Variants in HAUS6 observed in about 807,000 individuals in gnomAD.
The protein encoded by HAUS6 is HAUS augmin like complex subunit 6, also known as HAUS augmin-like complex subunit 6.
Under a neutral mutation model 106.8 loss-of-function variants are expected in HAUS6, and 80 were observed. That is an observed-to-expected ratio of 0.75 (90% CI 0.63 to 0.90). The LOEUF (loss-of-function observed/expected upper bound fraction) is 0.90, where lower values mean the gene tolerates loss of function less well. Ranked by LOEUF, HAUS6 falls within the 40% of genes least tolerant of loss-of-function variation. HAUS6 has a pLI of 0.00. For missense variants in HAUS6, 1,155 were observed against 1,118.1 expected (o/e 1.03, Z -0.47); for synonymous variants, 356 against 379.1 (o/e 0.94, Z 0.71).
chr9:19,097,280 C>T (rs976398084), intron 1 of HAUS6, among the ~76,000 whole-genome samples: 42 of 152,124 alleles, frequency 2.8e-4, no homozygotes, highest in African/African-American at 8.5e-4. Flanking sequence ...AGCTTCTGCA[C>T]AGCAAAAGAA....
rs1332078509 is a variant in HAUS6 at position 19,058,023 on chromosome 9, G to A, written c.2744C>T (p.Pro915Leu). 6.2e-7 allele frequency: 1 copy of A among 1,611,782 alleles called. No homozygotes were observed. Among genetic ancestry groups the A allele is most frequent in the Non-Finnish European group, 8.5e-7 (1 of 1,177,892 alleles). Residue 915 changes from proline to leucine, a missense_variant, in exon 16 of 17, where the codon CCA (proline) becomes CTA (leucine). By Grantham distance (98) the Pro-to-Leu change is moderately conservative. This residue lies in a region of HAUS6 where 380 missense variants were observed against 394.8 expected (regional missense o/e 0.96). Transcript: ENST00000380502. ...RSLSPLIKFS[P>L]VEQRLRTTIA... ...TGTGGTTCTCAATCTTTGTTCCACTGGAGAAAACTTAATTAGTGGTGAAAG... is the reference window on the plus strand; with the variant it reads ...TGTGGTTCTCAATCTTTGTTCCACTAGAGAAAACTTAATTAGTGGTGAAAG...
chr9:19,099,111 T>C (rs1490347118), intron 1 of HAUS6, among the ~76,000 whole-genome samples: 2 of 149,908 alleles, frequency 1.3e-5, no homozygotes, highest in African/African-American at 4.9e-5. Context: ...AAAGAGAACG[T>C]ATACGTATAA....
At chr9:19,093,898 G>A (rs2131152686) in intron 3 of HAUS6, among the ~76,000 whole-genome samples, 1 of 152,126 alleles carries the variant, frequency 6.6e-6, no homozygotes, top group South Asian at 2.1e-4. Flanking sequence ...ATAAAATAAA[G>A]AATTTGATCA....
intron 2 of HAUS6, among the ~76,000 whole-genome samples, chr9:19,095,857 A>G (rs1225492128): frequency 6.6e-6 from 1 of 152,188 alleles, no homozygotes; most frequent in Non-Finnish European, 1.5e-5. Context: ...TCAATAGCAT[A>G]TAACAGTAGA....
intron 9 of HAUS6, 89 bp from the exon 10 acceptor site, chr9:19,078,391 G>C (rs767872545): frequency 1.1e-5 from 8 of 742,978 alleles, no homozygotes; most frequent in Non-Finnish European, 1.1e-5. Context: ...TTGTAGAGAA[G>C]TGGAAGGAAA....
intron 3 of HAUS6, among the ~76,000 whole-genome samples, chr9:19,093,686 T>C (rs947787860): frequency 7.2e-5 from 11 of 152,116 alleles, no homozygotes; most frequent in African/African-American, 2.7e-4. Context: ...CTGGCCAACA[T>C]GGTGAAACCC....
chr9:19,084,634 TC>T (rs1268548247), intron 7 of HAUS6, among the ~76,000 whole-genome samples: 4 of 144,654 alleles, frequency 2.8e-5, no homozygotes, highest in South Asian at 2.2e-4. Flanking sequence ...TTTTCTTTTT[TC>T]TTTTTTTTTT....
chr9:19,058,722 T>C lies in HAUS6; in HGVS notation c.2045A>G (p.Asn682Ser), dbSNP rs1342248033. The C allele has an allele frequency of 3.7e-6, 6 of 1,614,100 alleles. No homozygotes were observed. Among genetic ancestry groups the C allele is most frequent in the Non-Finnish European group, 3.4e-6 (4 of 1,179,960 alleles). ...TTTCTTATTTAACAAATCTGACTGA[T>C]TTTGTGTTGGTGGTTCATCTATGTG... ...TSHIDEPPTQ[N>S]QSDLLNKKVI... The change falls in exon 16 of 17, where the codon AAT becomes AGT. Residue 682 changes from asparagine (N) to serine (S), a missense_variant. By Grantham distance (46) the Asn-to-Ser change is conservative (BLOSUM62 1). Transcript: ENST00000380502.
chr9:19,101,571 A>T (rs1256658751), intron 1 of HAUS6, among the ~76,000 whole-genome samples: 1 of 152,080 alleles, frequency 6.6e-6, no homozygotes, highest in East Asian at 1.9e-4. Flanking sequence ...GAGCCCAGGA[A>T]TTTTGAGACC....
chr9:19,070,124 G>A, intron 12 of HAUS6, 95 bp downstream of exon 12: 2 of 719,170 alleles, frequency 2.8e-6, no homozygotes, highest in Admixed American at 5.2e-5. Context: ...AACAGACCCA[G>A]AAGTCCAGCT....
intron 12 of HAUS6, among the ~76,000 whole-genome samples, chr9:19,067,084 G>A (rs1159582527): frequency 3.3e-5 from 5 of 151,624 alleles, no homozygotes; most frequent in African/African-American, 1.2e-4. Flanking sequence ...AACTGCATGT[G>A]ATAGGGCTGA....
chr9:19,063,983 T>TTTC (rs1476935669), intron 12 of HAUS6, among the ~76,000 whole-genome samples: 2 of 151,918 alleles, frequency 1.3e-5, no homozygotes, highest in Non-Finnish European at 2.9e-5. Context: ...TTTTTTTTTT[T>TTTC]TGAGACGGAG....
intron 8 of HAUS6, among the ~76,000 whole-genome samples, chr9:19,081,894 G>A (rs10963946): frequency 9.4e-4 from 142 of 151,676 alleles, no homozygotes; most frequent in Non-Finnish European, 1.7e-3. Flanking sequence ...GTGAAACCCC[G>A]TCTCTACTAA....
At chr9:19,093,846 G>A (rs1176418905) in intron 3 of HAUS6, among the ~76,000 whole-genome samples, 1 of 152,080 alleles carries the variant, frequency 6.6e-6, no homozygotes, top group Non-Finnish European at 1.5e-5. Context: ...TCCAGCCTGG[G>A]TGACAGAAGA....
intron 5 of HAUS6, among the ~76,000 whole-genome samples, chr9:19,088,576 A>C (rs1200288626): frequency 6.6e-6 from 1 of 151,868 alleles, no homozygotes; most frequent in African/African-American, 2.4e-5. Context: ...GAACTTTTTA[A>C]ACTAAAGTGG....
intron 14 of HAUS6, among the ~76,000 whole-genome samples, 173 bp downstream of exon 14, chr9:19,062,831 GTTTT>G (rs891115023): frequency 6.6e-6 from 1 of 151,960 alleles, no homozygotes; most frequent in African/African-American, 2.4e-5. Context: ...ATGCTCAACT[GTTTT>G]TTTAATTTTT....
intron 12 of HAUS6, among the ~76,000 whole-genome samples, chr9:19,069,515 C>T (rs977684673): frequency 3.3e-5 from 5 of 151,908 alleles, no homozygotes; most frequent in African/African-American, 4.8e-5. Flanking sequence ...ATGGTGAAAC[C>T]TCATCTCTAC....
At chr9:19,060,408 A>C (rs1836581787) in intron 14 of HAUS6, among the ~76,000 whole-genome samples, 185 bp from the exon 15 acceptor site, 1 of 152,252 alleles carries the variant, frequency 6.6e-6, no homozygotes, top group Non-Finnish European at 1.5e-5. Context: ...CAATCCTGTA[A>C]AGTGAAATGA....
At chr9:19,061,278 C>T (rs369803455) in intron 14 of HAUS6, among the ~76,000 whole-genome samples, 2 of 152,284 alleles carry the variant, frequency 1.3e-5, no homozygotes, top group African/African-American at 2.4e-5. Flanking sequence ...CTAAATATCC[C>T]CTGTCATAAA....
Sources: gnomAD v4.1 joint callset for allele counts (sites outside exome capture counted in the v4.1 genomes callset) on GRCh38, gnomAD v4.1.1 for gene constraint, gnomAD v4.1.1 regional missense constraint, MANE v1.5 for transcripts, NCBI Gene and HGNC (gene_info 2026-07-23, HGNC 2026-07-21) for gene names.